The following CTSE variants were observed in gnomAD, a reference collection of about 807,000 sequenced individuals.
CTSE encodes the protein cathepsin E, also known as erythrocyte membrane aspartic proteinase.
A neutral mutation model predicts 42.8 loss-of-function variants in CTSE; 43 were observed. The observed-to-expected ratio is 1.01, with a 90% CI of 0.79 to 1.30. CTSE has a LOEUF of 1.30. Among genes scored for constraint, CTSE ranks in the 50% most tolerant of loss-of-function variants. The pLI, the probability that CTSE is intolerant of heterozygous loss-of-function variation, is 0.00. For synonymous variants in CTSE, 205 were observed against 191.5 expected, an observed-to-expected ratio of 1.07 and a Z score of -0.58; for missense variants, 532 against 493.5, an observed-to-expected ratio of 1.08 and a Z score of -0.74.
chr1:206,022,568 C>T (rs920331095), intron 2 of CTSE, among the ~76,000 whole-genome samples: 1 of 151,988 alleles, frequency 6.6e-6, no homozygotes, highest in African/African-American at 2.4e-5. Context: ...TTTTACAGAC[C>T]AGGGAACTGG....
chr1:206,012,795 T>C (rs1205033689), intron 6 of CTSE, 146 bp from the exon 7 acceptor site: 4 of 933,154 alleles, frequency 4.3e-6, no homozygotes, highest in Non-Finnish European at 6.6e-6. Context: ...TCTACTGAGA[T>C]CCATAGGAAG....
intron 5 of CTSE, among the ~76,000 whole-genome samples, chr1:206,015,006 G>T (rs930017563): frequency 1.3e-5 from 2 of 152,042 alleles, no homozygotes; most frequent in Non-Finnish European, 2.9e-5. Flanking sequence ...AGTCAGCAAG[G>T]TCAGAAATCA....
rs782393506 is a variant in CTSE, at chr1:206,021,185, G to A, written c.344-18C>T. The A allele has an allele frequency of 1.3e-6, 2 of 1,577,074 alleles. No individual in the cohort carries two copies. Among genetic ancestry groups the A allele is most frequent in the Admixed American group, 1.7e-5 (1 of 59,942 alleles). On this transcript the variant is annotated intron_variant, in intron 3 of 8. Transcript: ENST00000358184. ...GTGCGTCTCTGGAAAGAAGTGCACT[G>A]CTCTTGCTTATGCCATCGGCTCACT...
intron 3 of CTSE, among the ~76,000 whole-genome samples, chr1:206,021,568 C>A (rs1661425957): frequency 6.6e-6 from 1 of 152,058 alleles, no homozygotes; most frequent in African/African-American, 2.4e-5. Context: ...ACATCTCTAG[C>A]CTTGGGGTTT....
rs1571809634 is a variant in CTSE at position 206,012,422 on chromosome 1, G to T, written c.928-16C>A. On this transcript the variant is annotated splice_polypyrimidine_tract_variant and intron_variant, in intron 7 of 8. Transcript: ENST00000358184. ...CCACAGCATACTAAAACCCAATACG[G>T]AGGATCCGTTTAGAGCCTTGCCACC... The T allele has an allele frequency of 1.9e-6, 3 of 1,613,848 alleles. No individual in the cohort carries two copies. In the East Asian group the frequency reaches 6.7e-5, roughly 36 times the overall value.
chr1:206,010,722 T>C (rs1222023371), intron 8 of CTSE, among the ~76,000 whole-genome samples: 1 of 152,106 alleles, frequency 6.6e-6, no homozygotes, highest in African/African-American at 2.4e-5. Flanking sequence ...TCTGGTTTCT[T>C]TAGTTTCTAG....
rs780669132 is a variant in CTSE, at chr1:206,010,512, C to G, written c.1027-165G>C. Among the ~76,000 whole-genome samples the G allele has an allele frequency of 3.7e-4, 56 of 152,184 alleles. 1 individual carries two copies. The highest frequency in any genetic ancestry group is 6.6e-4 in the Non-Finnish European group (45 of 67,998). ...GTTCTTCCTCCTGCTTCATATGTCC[C>G]TACCCTAGGTTGCTTAATAAAGTGT... is the stretch of plus-strand genomic sequence containing the variant. On this transcript the variant is annotated intron_variant, in intron 8 of 8. Transcript: ENST00000358184.
chr1:206,010,015 ATG>A lies in CTSE; in HGVS notation c.*166_*167del, dbSNP rs373750948. 0.022 allele frequency: 11,670 copies of A among 537,816 alleles called. 1 individual carries two copies. The highest frequency in any genetic ancestry group is 0.026 in the Middle Eastern group (52 of 1,988). 33.3% of individuals were successfully genotyped at this position (537,816 alleles called of 1,614,324 possible). A position where few individuals can be genotyped will look rare whatever the true frequency, so the allele number is the denominator to read the frequency against. On this transcript the variant is annotated 3_prime_UTR_variant, in exon 9 of 9. Coordinates refer to ENST00000358184, the MANE Select transcript of CTSE (RefSeq NM_001910.4). ...ATGTGTGAAGTGTGTGTGTGTGTATATGTGTGTGTGTGTGTGTATTCTCATGT... is the reference window on the plus strand; with the variant it reads ...ATGTGTGAAGTGTGTGTGTGTGTATATGTGTGTGTGTGTGTATTCTCATGT...
intron 4 of CTSE, among the ~76,000 whole-genome samples, chr1:206,018,591 T>G (rs1553277953): frequency 6.6e-6 from 1 of 151,994 alleles, no homozygotes; most frequent in African/African-American, 2.4e-5. Context: ...GAGTATATCT[T>G]TAAAAGATTC....
intron 5 of CTSE, among the ~76,000 whole-genome samples, chr1:206,015,546 A>G (rs576628506): frequency 2.7e-4 from 41 of 152,176 alleles, no homozygotes; most frequent in African/African-American, 9.9e-4. Flanking sequence ...GCATGCAATT[A>G]TTTTATTGTC....
chr1:206,022,110 C>T, intron 3 of CTSE, 40 bp downstream of exon 3: 2 of 1,427,370 alleles, frequency 1.4e-6, no homozygotes, highest in Non-Finnish European at 1.9e-6. Flanking sequence ...CCAGGACTAG[C>T]CCCCAGACAT....
chr1:206,017,827 C>T (rs534424053), intron 4 of CTSE, among the ~76,000 whole-genome samples: 1 of 152,168 alleles, frequency 6.6e-6, no homozygotes, highest in South Asian at 2.1e-4. Context: ...TCGCTAAGTT[C>T]ACATATTAAT....
intron 4 of CTSE, 47 bp from the exon 5 acceptor site, chr1:206,016,177 T>C: frequency 6.4e-7 from 1 of 1,573,866 alleles, no homozygotes; most frequent in Non-Finnish European, 8.7e-7. Flanking sequence ...GCACAGGGGA[T>C]TGCTGGCAAA....
In CTSE at chr1:206,023,704, G is replaced by GT. The variant is rs1553278832; in HGVS notation, c.68+19dup. On this transcript the variant is annotated intron_variant, in intron 1 of 8. Transcript: ENST00000358184. ...GCATGGGACTACCCAGCTGAACACA[G>GT]TGCGGGGACGTCTTCTCACCTGTGA... 1 of 1,611,076 alleles carries GT rather than the reference G, an allele frequency of 6.2e-7. No individual in the cohort carries two copies. The highest frequency in any genetic ancestry group is 1.7e-5 in the Admixed American group (1 of 60,002).
intron 1 of CTSE, 151 bp downstream of exon 1, chr1:206,023,573 C>T (rs1571825198): frequency 8.9e-6 from 6 of 671,536 alleles, no homozygotes; most frequent in South Asian, 1.8e-5. Context: ...CATACACAGG[C>T]GGTCACTGGA....
chr1:206,016,833 T>C (rs1321081799), intron 4 of CTSE, among the ~76,000 whole-genome samples: 1 of 152,172 alleles, frequency 6.6e-6, no homozygotes, highest in Admixed American at 6.5e-5. Context: ...ACTGTAACTT[T>C]ATAATAAATC....
At position 206,022,154 on chromosome 1, in the gene CTSE, G is replaced by A; in HGVS notation, c.339C>T (p.Ala113=). 1 of 1,590,480 alleles carries A rather than the reference G, an allele frequency of 6.3e-7. No individual in the cohort carries two copies. Among genetic ancestry groups the A allele is most frequent in the African/African-American group, 1.3e-5 (1 of 74,506 alleles). The stretch of plus-strand genomic sequence containing the variant: ...GGTGCTCCTGGCCCCACTTACTGCA[G>A]GCTGGGCTAGTGCAGTACACAGAGG... The part of the protein sequence containing the change: ...WVPSVYCTSP[A]CKTHSRFQPS... Residue 113 remains alanine (A), a synonymous_variant, in exon 3 of 9, where the codon GCC becomes GCT. Coordinates refer to ENST00000358184, the MANE Select transcript of CTSE (RefSeq NM_001910.4).
Position 206,009,793 on chromosome 1 carries a change from TGG to T in CTSE, c.*388_*389del. 1 of 234,918 alleles carries T rather than the reference TGG, an allele frequency of 4.3e-6. No individual in the cohort carries two copies. The highest frequency in any genetic ancestry group is 5.9e-5 in the South Asian group (1 of 16,920). The allele number at this position is 234,918 out of a possible 1,614,324, so 14.6% of individuals were successfully genotyped here. On this transcript the variant is annotated 3_prime_UTR_variant, in exon 9 of 9. Coordinates refer to ENST00000358184, the MANE Select transcript of CTSE (RefSeq NM_001910.4). ...GGGCAGCAGTGTAGATAAACAGGCCTGGCCGTGTGTGGATGGGTTGTCAGGGC... is the reference window on the plus strand; with the variant it reads ...GGGCAGCAGTGTAGATAAACAGGCCTCCGTGTGTGGATGGGTTGTCAGGGC...
At position 206,016,068 on chromosome 1, in the gene CTSE, G is replaced by A. The variant is rs1553277692; in HGVS notation, c.525C>T (p.Thr175=). The change falls in exon 5 of 9, where the codon ACC becomes ACT. Residue 175 remains threonine, a synonymous_variant. Transcript: ENST00000358184. ...FGESVTEPGQ[T]FVDAEFDGIL... ...TTCCATCAAACTCTGCATCCACAAA[G>A]GTCTGGCCTGGCTCTGTGACACTTT... 1.9e-6 allele frequency: 3 copies of A among 1,613,970 alleles called. No individual in the cohort carries two copies. The highest frequency in any genetic ancestry group is 1.3e-5 in the African/African-American group (1 of 75,038).
Sources: gnomAD v4.1 joint callset for allele counts (sites outside exome capture counted in the v4.1 genomes callset) on GRCh38, gnomAD v4.1.1 for gene constraint, MANE v1.5 for transcripts, NCBI Gene and HGNC (gene_info 2026-07-23, HGNC 2026-07-21) for gene names.